The following GRIN2A variants were observed in gnomAD, a reference collection of about 807,000 sequenced individuals.
GRIN2A encodes the protein glutamate ionotropic receptor NMDA type subunit 2A, also known as glutamate receptor ionotropic, NMDA 2A.
A neutral mutation model predicts 113.4 loss-of-function variants in GRIN2A; 22 were observed. That is an observed-to-expected ratio of 0.19 (90% confidence interval 0.14 to 0.28). The LOEUF is 0.28. GRIN2A is among the 10% of genes least tolerant of loss of function. GRIN2A has a pLI of 1.00. For missense variants in GRIN2A, 1,502 were observed against 1,887.0 expected (o/e 0.80, Z 3.78); for synonymous variants, 827 against 738.4 (o/e 1.12, Z -1.94).
chr16:10,080,462 T>A (rs377246945), intron 2 of GRIN2A, among the ~76,000 whole-genome samples: 216 of 152,266 alleles, frequency 1.4e-3, no homozygotes, highest in African/African-American at 4.6e-3. Flanking sequence ...TACCTAAGCA[T>A]AGACCTCTGT....
intron 3 of GRIN2A, among the ~76,000 whole-genome samples, chr16:9,932,576 T>C (rs1247572259): frequency 6.6e-6 from 1 of 151,050 alleles, no homozygotes; most frequent in Non-Finnish European, 1.5e-5. Context: ...AGAGATAGGG[T>C]TTTACCATGT....
intron 2 of GRIN2A, among the ~76,000 whole-genome samples, chr16:10,105,230 C>T (rs1371427220): frequency 6.6e-6 from 1 of 152,162 alleles, no homozygotes; most frequent in Non-Finnish European, 1.5e-5. Flanking sequence ...GCAATGCTGA[C>T]CACGACCATT....
At chr16:10,131,180 T>C (rs559106917) in intron 2 of GRIN2A, among the ~76,000 whole-genome samples, 1 of 152,284 alleles carries the variant, frequency 6.6e-6, no homozygotes, top group East Asian at 1.9e-4. Context: ...CCAGCTTGCA[T>C]GCTGTGGGTG....
chr16:9,928,019 C>T (rs1250803320), intron 3 of GRIN2A, among the ~76,000 whole-genome samples: 2 of 152,208 alleles, frequency 1.3e-5, no homozygotes, highest in Non-Finnish European at 2.9e-5. Context: ...TCTGCCAGTT[C>T]ATTTACCCAA....
At chr16:9,871,749 C>G (rs2043265553) in intron 4 of GRIN2A, among the ~76,000 whole-genome samples, 1 of 152,134 alleles carries the variant, frequency 6.6e-6, no homozygotes, top group African/African-American at 2.4e-5. Flanking sequence ...GGCTCAGGAC[C>G]TGTGATGGAA....
Position 9,764,393 on chromosome 16 carries a change from A to G in GRIN2A, c.3151T>C (p.Tyr1051His). ...NRTHSLKSPRYLPEEMAHSDI... is the reference protein window; with the variant it reads ...NRTHSLKSPRHLPEEMAHSDI... Reference sequence around the variant, plus strand: ...GAGTGGGCCATCTCTTCTGGAAGATACCTAGGGCTCTTTAGGGAGTGGGTC... The same window carrying G: ...GAGTGGGCCATCTCTTCTGGAAGATGCCTAGGGCTCTTTAGGGAGTGGGTC... Residue 1051 changes from tyrosine (Y) to histidine (H), a missense_variant, in exon 13 of 13, where the codon TAT (tyrosine) becomes CAT (histidine). Coordinates refer to ENST00000330684, the MANE Select transcript of GRIN2A (RefSeq NM_001134407.3). 6.2e-7 allele frequency: 1 copy of G among 1,614,096 alleles called. No homozygotes were observed. The highest frequency in any genetic ancestry group is 8.5e-7 in the Non-Finnish European group (1 of 1,179,976).
intron 2 of GRIN2A, among the ~76,000 whole-genome samples, chr16:10,077,599 A>C (rs1404660723): frequency 6.6e-6 from 1 of 152,132 alleles, no homozygotes; most frequent in Non-Finnish European, 1.5e-5. Flanking sequence ...ATCTGCCCCA[A>C]ACCCTGCAAT....
At position 10,031,054 on chromosome 16, in the gene GRIN2A, G is replaced by A. The variant is rs369288450; in HGVS notation, c.415-92503C>T. ...AAATCTGAACTCGGGAAAGTGGTGTGGGGGCCAGAATTTGAGAAGAGAAGA... is the reference window on the plus strand; with the variant it reads ...AAATCTGAACTCGGGAAAGTGGTGTAGGGGCCAGAATTTGAGAAGAGAAGA... On this transcript the variant is annotated intron_variant, in intron 2 of 12. Transcript: ENST00000330684. Among the ~76,000 whole-genome samples, 13 of 152,290 alleles carry A rather than the reference G, an allele frequency of 8.5e-5. No individual in the cohort carries two copies. In the East Asian group the frequency reaches 2.5e-3, roughly 29 times the overall value.
chr16:9,980,311 G>A (rs2045866878), intron 2 of GRIN2A, among the ~76,000 whole-genome samples: 1 of 151,796 alleles, frequency 6.6e-6, no homozygotes, highest in African/African-American at 2.4e-5. Context: ...CAGTTAGAAT[G>A]GCGATCATTA....
At chr16:9,960,020 C>A (rs1240306977) in intron 2 of GRIN2A, among the ~76,000 whole-genome samples, 1 of 152,112 alleles carries the variant, frequency 6.6e-6, no homozygotes, top group Non-Finnish European at 1.5e-5. Context: ...CCTAGAAACT[C>A]ACTGAAACCA....
At chr16:9,795,111 C>T (rs1181022704) in intron 11 of GRIN2A, among the ~76,000 whole-genome samples, 2 of 152,026 alleles carry the variant, frequency 1.3e-5, no homozygotes, top group African/African-American at 2.4e-5. Flanking sequence ...TAAATAGTAG[C>T]TGGGTAAAAT....
chr16:9,797,182 A>G (rs1292249005), intron 11 of GRIN2A, among the ~76,000 whole-genome samples: 1 of 152,258 alleles, frequency 6.6e-6, no homozygotes, highest in African/African-American at 2.4e-5. Context: ...GTAGCCTGGC[A>G]TAACACGTTC....
intron 4 of GRIN2A, among the ~76,000 whole-genome samples, chr16:9,890,374 C>T (rs2043669895): frequency 6.6e-6 from 1 of 152,152 alleles, no homozygotes; most frequent in East Asian, 1.9e-4. Context: ...TGACATCTCT[C>T]CTCTCTGACC....
intron 2 of GRIN2A, among the ~76,000 whole-genome samples, chr16:9,967,428 G>A (rs570894349): frequency 2.0e-5 from 3 of 152,206 alleles, no homozygotes; most frequent in East Asian, 1.9e-4. Context: ...ACAATGGGCC[G>A]GGCACAGTGA....
At chr16:10,129,183 G>T (rs543476862) in intron 2 of GRIN2A, among the ~76,000 whole-genome samples, 7 of 152,054 alleles carry the variant, frequency 4.6e-5, no homozygotes, top group African/African-American at 1.4e-4. Flanking sequence ...TCAAGTGATC[G>T]TCCTACCTCA....
intron 11 of GRIN2A, among the ~76,000 whole-genome samples, chr16:9,770,279 C>CTCTAAGATG (rs1901188170): frequency 6.6e-6 from 1 of 152,124 alleles, no homozygotes; most frequent in African/African-American, 2.4e-5. Flanking sequence ...TATACATGAT[C>CTCTAAGATG]TCTAAGATGT....
chr16:9,814,486 A>C (rs1167759164), intron 10 of GRIN2A, among the ~76,000 whole-genome samples: 1 of 152,188 alleles, frequency 6.6e-6, no homozygotes, highest in African/African-American at 2.4e-5. Context: ...AGGTCACATT[A>C]AGTGCAAAGA....
intron 2 of GRIN2A, among the ~76,000 whole-genome samples, chr16:9,968,899 C>T (rs552428246): frequency 1.8e-4 from 28 of 152,184 alleles, no homozygotes; most frequent in Middle Eastern, 3.4e-3. Context: ...TGAGCCACTG[C>T]GCCCTGCCCT....
chr16:10,106,464 C>T (rs1362611929), intron 2 of GRIN2A, among the ~76,000 whole-genome samples: 1 of 151,718 alleles, frequency 6.6e-6, no homozygotes, highest in East Asian at 1.9e-4. Flanking sequence ...CTCCCAAATC[C>T]CACCACTCTA....
Sources: allele counts gnomAD v4.1 joint callset (sites outside exome capture counted in the v4.1 genomes callset), GRCh38; gene constraint gnomAD v4.1.1; transcripts MANE v1.5; gene names NCBI Gene and HGNC (gene_info 2026-07-23, HGNC 2026-07-21).